SPTA1: variants seen among roughly 807,000 people sequenced by gnomAD.
The protein encoded by SPTA1 is spectrin alpha, erythrocytic 1.
A neutral mutation model predicts 324.7 loss-of-function variants in SPTA1; 177 were observed. The observed-to-expected ratio is 0.55, with a 90% CI of 0.48 to 0.62. The LOEUF (loss-of-function observed/expected upper bound fraction) is 0.62. Ranked by LOEUF, SPTA1 falls within the 20% of genes least tolerant of loss-of-function variation. The probability of loss-of-function intolerance (pLI) is 0.00; values close to 1 mark genes in which losing one functional copy is unlikely to be tolerated. For synonymous variants in SPTA1, 1,195 were observed against 1,041.3 expected (o/e 1.15, Z -2.84); for missense variants, 3,162 against 2,883.6 (o/e 1.10, Z -2.21).
Position 158,653,376 on chromosome 1 carries a change from A to T in SPTA1, c.3086T>A (p.Val1029Asp). 6.2e-7 allele frequency: 1 copy of T among 1,614,058 alleles called. No individual in the cohort carries two copies. Among genetic ancestry groups the T allele is most frequent in the Non-Finnish European group, 8.5e-7 (1 of 1,179,998 alleles). The change falls in exon 22 of 52, where the codon GTC becomes GAC. Residue 1029 changes from valine (V) to aspartate (D), a missense_variant. Transcript: ENST00000643759. ...ATCGTGGGCCAGTCTTCTGACATAGACAGCTGGGACAATGCCCTGATGATC... is the reference window on the plus strand; with the variant it reads ...ATCGTGGGCCAGTCTTCTGACATAGTCAGCTGGGACAATGCCCTGATGATC... ...AADHQGIVPA[V>D]YVRRLAHDEF...
intron 14 of SPTA1, among the ~76,000 whole-genome samples, chr1:158,669,172 G>A (rs1318404846): frequency 6.6e-6 from 1 of 152,116 alleles, no homozygotes. Flanking sequence ...ACCAGAAATT[G>A]TGCCAGAGGA....
At chr1:158,643,214 T>C in intron 31 of SPTA1, 108 bp downstream of exon 31, 1 of 1,344,114 alleles carries the variant, frequency 7.4e-7, no homozygotes, top group Non-Finnish European at 1.0e-6. Context: ...ATAGTTTTAG[T>C]CACCTAGAAA....
chr1:158,615,449 C>T (rs1474417557), intron 47 of SPTA1, 46 bp from the exon 48 acceptor site: 4 of 1,591,806 alleles, frequency 2.5e-6, no homozygotes, highest in Non-Finnish European at 3.4e-6. Flanking sequence ...CCCAGGTTAC[C>T]AGCTCAAAAC....
chr1:158,623,056 C>T lies in SPTA1; in HGVS notation c.6047G>A (p.Arg2016His), dbSNP rs199993378. 1.3e-4 allele frequency: 209 copies of T among 1,614,044 alleles called. No individual in the cohort carries two copies. Among genetic ancestry groups the T allele is most frequent in the African/African-American group, 9.5e-4 (71 of 74,920 alleles). Residue 2016 changes from arginine to histidine, a missense_variant, in exon 43 of 52, where the codon CGC becomes CAC. Coordinates refer to ENST00000643759, the MANE Select transcript of SPTA1 (RefSeq NM_003126.4). Reference protein sequence around the residue: ...IEERYAALLKRWEQLLEASAV... With the variant: ...IEERYAALLKHWEQLLEASAV... ...CGAGGCTTCCAGCAACTGTTCCCAG[C>T]GCTTCAGCAGAGCGGCATAACGCTC...
In SPTA1 at chr1:158,686,374, A is replaced by G. The variant is rs189222814; in HGVS notation, c.24+120T>C. ...AAAATAGTTAAAAGTAAAATTATCT[A>G]TTTGTTAAAAGCCAAATAATTATTA... On this transcript the variant is annotated intron_variant, in intron 1 of 51. Transcript: ENST00000643759. The G allele has an allele frequency of 7.1e-5, 56 of 787,952 alleles. No homozygotes were observed. In the African/African-American group the frequency reaches 8.6e-4, roughly 12 times the overall value. The allele number at this position is 787,952 out of a possible 1,614,324, so 48.8% of individuals were successfully genotyped here.
At chr1:158,635,222 G>C (rs557417558) in intron 38 of SPTA1, among the ~76,000 whole-genome samples, 182 of 152,246 alleles carry the variant, frequency 1.2e-3, no homozygotes, top group Non-Finnish European at 2.1e-3. Context: ...GGAGGTGATT[G>C]GATCATGGGA....
chr1:158,648,672 G>A lies in SPTA1; in HGVS notation c.3570-19C>T, dbSNP rs200866182. The A allele has an allele frequency of 1.9e-5, 31 of 1,612,900 alleles. No individual in the cohort carries two copies. The Middle Eastern group carries it at 1.2e-3, about 63-fold the overall frequency. ...TGCTTCTCTGGTATACAAGAGAGTA[G>A]AGAGTTCAAAAGTAAGGATATGTAC... is the stretch of plus-strand genomic sequence containing the variant. On this transcript the variant is annotated intron_variant, in intron 25 of 51. Transcript: ENST00000643759.
chr1:158,676,066 T>C, intron 8 of SPTA1, 75 bp downstream of exon 8: 2 of 1,598,342 alleles, frequency 1.3e-6, no homozygotes, highest in Non-Finnish European at 1.7e-6. Flanking sequence ...CTCCCTTTAC[T>C]CTTATTTCTT....
At chr1:158,636,529 C>A in intron 37 of SPTA1, 112 bp downstream of exon 37, 1 of 1,240,782 alleles carries the variant, frequency 8.1e-7, no homozygotes, top group Non-Finnish European at 1.2e-6. Flanking sequence ...CTAACTCTCT[C>A]TGACCTTGAC....
chr1:158,618,076 A>T lies in SPTA1; in HGVS notation c.6531-20T>A. 6.2e-7 allele frequency: 1 copy of T among 1,608,354 alleles called. No homozygotes were observed. Among genetic ancestry groups the T allele is most frequent in the Non-Finnish European group, 8.5e-7 (1 of 1,174,644 alleles). On this transcript the variant is annotated intron_variant, in intron 45 of 51. Transcript: ENST00000643759. ...TAAGCCCTGGACATGGAGGTCCGGA[A>T]CAGGAATCACATGAGAGAAAAGGGA...
chr1:158,666,926 C>T (rs543606583), intron 15 of SPTA1, among the ~76,000 whole-genome samples: 2 of 152,270 alleles, frequency 1.3e-5, no homozygotes, highest in East Asian at 1.9e-4. Context: ...CACTGAACTT[C>T]GCTTTCCCCC....
rs976234490 is a variant in SPTA1 at position 158,626,308 on chromosome 1, A to C, written c.5834-86T>G. The C allele has an allele frequency of 1.6e-5, 20 of 1,236,232 alleles. No individual in the cohort carries two copies. In the Middle Eastern group the frequency reaches 1.1e-3, roughly 70 times the overall value. 76.6% of individuals were successfully genotyped at this position (1,236,232 alleles called of 1,614,324 possible). A position where few individuals can be genotyped will look rare whatever the true frequency, so the allele number is the denominator to read the frequency against. On this transcript the variant is annotated intron_variant, in intron 41 of 51. Coordinates refer to ENST00000643759, the MANE Select transcript of SPTA1 (RefSeq NM_003126.4). The stretch of plus-strand genomic sequence containing the variant: ...CAGAAAAGGAATATTTACAACACAC[A>C]ACAAGAAAGCTTCTTGACTCTCAAA...
Position 158,654,706 on chromosome 1 carries a change from T to A in SPTA1, c.2941A>T (p.Arg981Trp). 6.2e-7 allele frequency: 1 copy of A among 1,613,922 alleles called. No individual in the cohort carries two copies. Residue 981 changes from arginine (R) to tryptophan (W), a missense_variant, in exon 21 of 52, where the codon AGG becomes TGG. Physicochemically the swap from Arg to Trp is moderately radical, Grantham distance 101 (BLOSUM62 -3). Transcript: ENST00000643759. ...APVEGVAGEQ[R>W]VMALYDFQAR... ...TGGAAGTCATATAAAGCCATGACCC[T>A]TTGTTCTCCAGCAACTCCCTCCACT...
Position 158,613,741 on chromosome 1 carries a change from C to G in SPTA1, c.6969G>C (p.Leu2323=). The G allele has an allele frequency of 6.2e-7, 1 of 1,613,822 alleles. No individual in the cohort carries two copies. The highest frequency in any genetic ancestry group is 1.3e-5 in the African/African-American group (1 of 75,012). ...DEHEPKFEKF[L]DAVDPGRKGY... ...CCTACCTCCCTGGATCCACAGCATC[C>G]AGGAACTTCTCAAACTTGGGCTCAT... is the stretch of plus-strand genomic sequence containing the variant. The change falls in exon 50 of 52, where the codon CTG becomes CTC. Residue 2323 remains leucine (L), a synonymous_variant. Transcript: ENST00000643759.
At chr1:158,618,316 C>T (rs987904792) in intron 45 of SPTA1, among the ~76,000 whole-genome samples, 3 of 152,088 alleles carry the variant, frequency 2.0e-5, no homozygotes, top group East Asian at 1.9e-4. Context: ...ACACACATTG[C>T]CAGGATGTGA....
chr1:158,623,224 A>AGAAAATGGT (rs1650038726), intron 42 of SPTA1, 32 bp from the exon 43 acceptor site: 1 of 1,591,794 alleles, frequency 6.3e-7, no homozygotes. Flanking sequence ...GCCGTGAACA[A>AGAAAATGGT]GAAAATGGTG....
At chr1:158,631,204 AC>A (rs747014972) in intron 39 of SPTA1, among the ~76,000 whole-genome samples, 6 of 152,202 alleles carry the variant, frequency 3.9e-5, no homozygotes, top group Non-Finnish European at 8.8e-5. Flanking sequence ...AAAATAACCA[AC>A]CAACTTATTG....
chr1:158,627,678 G>A lies in SPTA1; in HGVS notation c.5611C>T (p.His1871Tyr). The stretch of plus-strand genomic sequence containing the variant: ...CACACATTTTGTACTCGGGTCTCAT[G>A]GACAGCAAAGTCATTTTCCAAAGCT... The part of the protein sequence containing the change: ...HEALENDFAV[H>Y]ETRVQNVCAQ... The change falls in exon 40 of 52, where the codon CAT (histidine) becomes TAT (tyrosine). Residue 1871 changes from histidine to tyrosine, a missense_variant. Coordinates refer to ENST00000643759, the MANE Select transcript of SPTA1 (RefSeq NM_003126.4). The A allele has an allele frequency of 6.2e-7, 1 of 1,613,276 alleles. No homozygotes were observed. The highest frequency in any genetic ancestry group is 1.3e-5 in the African/African-American group (1 of 75,006).
chr1:158,660,209 T>G (rs1400464362), intron 18 of SPTA1, among the ~76,000 whole-genome samples: 1 of 152,150 alleles, frequency 6.6e-6, no homozygotes, highest in Non-Finnish European at 1.5e-5. Flanking sequence ...ATTGTCTAAA[T>G]ATCACAATTA....
Sources: allele counts gnomAD v4.1 joint callset (sites outside exome capture counted in the v4.1 genomes callset), GRCh38; gene constraint gnomAD v4.1.1; transcripts MANE v1.5; gene names NCBI Gene and HGNC (gene_info 2026-07-23, HGNC 2026-07-21).